The following B3GALT1 variants were observed in gnomAD, a reference collection of about 807,000 sequenced individuals.
B3GALT1 encodes the protein UDP-Gal:betaGlcNAc beta 1,3-galactosyltransferase, polypeptide 1.
Under a neutral mutation model 23.2 loss-of-function variants are expected in B3GALT1, and 10 were observed. The ratio of observed to expected loss-of-function variants is 0.43; its 90% CI spans 0.27 to 0.73. The LOEUF (loss-of-function observed/expected upper bound fraction) is 0.73. Among genes scored for constraint, B3GALT1 ranks in the 30% least tolerant of loss-of-function variants. The pLI is 0.21. For missense variants in B3GALT1, 299 were observed against 405.4 expected (o/e 0.74, Z 2.25); for synonymous variants, 156 against 141.5 (o/e 1.10, Z -0.73).
chr2:167,786,023 T>C (rs984913651), intron 3 of B3GALT1, among the ~76,000 whole-genome samples: 2 of 152,238 alleles, frequency 1.3e-5, no homozygotes, highest in African/African-American at 4.8e-5. Flanking sequence ...CCTGCTCATT[T>C]CCAGTTGTTC....
intron 3 of B3GALT1, among the ~76,000 whole-genome samples, chr2:167,776,963 T>A: frequency 6.6e-6 from 1 of 152,204 alleles, no homozygotes; most frequent in East Asian, 1.9e-4. Context: ...AGGCTAAGGT[T>A]TTTTTTGTTC....
Position 167,869,026 on chromosome 2 carries a change from G to T in B3GALT1, c.-14G>T, listed in dbSNP as rs565639529. The stretch of plus-strand genomic sequence containing the variant: ...GTATTCTTCAATATTTGGAATAGAC[G>T]TGTTCTCAAGACAATGGCTTCAAAG... On this transcript the variant is annotated 5_prime_UTR_variant, in exon 5 of 5. Coordinates refer to ENST00000392690, the MANE Select transcript of B3GALT1 (RefSeq NM_020981.4). The surrounding 1 kb of genome is among the most constrained non-coding windows in gnomAD (Gnocchi z 6.4). 2 of 1,581,308 alleles carry T rather than the reference G, an allele frequency of 1.3e-6. No homozygotes were observed. Among genetic ancestry groups the T allele is most frequent in the Non-Finnish European group, 1.7e-6 (2 of 1,164,066 alleles).
intron 1 of B3GALT1, among the ~76,000 whole-genome samples, chr2:167,312,883 T>A (rs868629007): frequency 6.6e-5 from 10 of 152,096 alleles, no homozygotes; most frequent in South Asian, 2.1e-4. Context: ...TACAATTTTT[T>A]AAATTATTCT....
At chr2:167,455,076 G>A (rs956724484) in intron 1 of B3GALT1, among the ~76,000 whole-genome samples, 2 of 152,152 alleles carry the variant, frequency 1.3e-5, no homozygotes, top group African/African-American at 4.8e-5. Flanking sequence ...TTCCATGTAC[G>A]TAAGTTCAAC....
intron 4 of B3GALT1, among the ~76,000 whole-genome samples, chr2:167,821,965 C>T (rs565784979): frequency 1.3e-5 from 2 of 152,208 alleles, no homozygotes; most frequent in East Asian, 3.9e-4. Flanking sequence ...AAAATTGTAT[C>T]CTTAATATAG....
At position 167,604,900 on chromosome 2, in the gene B3GALT1, A is replaced by G. The variant is rs552172377; in HGVS notation, c.-409-42009A>G. On this transcript the variant is annotated intron_variant, in intron 2 of 4. Transcript: ENST00000392690. Reference sequence around the variant, plus strand: ...CCTTTCAGGGCTACACCCTTTAAACAGGTTGTAACATCTGATTTGAGGGCA... The same window carrying G: ...CCTTTCAGGGCTACACCCTTTAAACGGGTTGTAACATCTGATTTGAGGGCA... Among the ~76,000 whole-genome samples, 25 of 152,334 alleles carry G rather than the reference A, an allele frequency of 1.6e-4. No homozygotes were observed. The Middle Eastern group carries it at 0.01, about 62-fold the overall frequency.
In B3GALT1 at chr2:167,804,968, G is replaced by C. The variant is rs868000186; in HGVS notation, c.-351-13704G>C. 8.1e-3 allele frequency among the ~76,000 whole-genome samples: 1,224 copies of C among 151,966 alleles called. 19 individuals are homozygous for C. Among genetic ancestry groups the C allele is most frequent in the African/African-American group, 0.027 (1,134 of 41,364 alleles). On this transcript the variant is annotated intron_variant, in intron 3 of 4. Transcript: ENST00000392690. ...ACAGTGTAAAAGTGTTCCTATTTCT[G>C]CACATCCTCTCCAGCACCTGTTGTT...
chr2:167,692,759 G>A (rs541567826), intron 3 of B3GALT1, among the ~76,000 whole-genome samples: 159 of 152,170 alleles, frequency 1.0e-3, no homozygotes, highest in African/African-American at 3.7e-3. Context: ...CAAATGCCAA[G>A]TGTCATCTAC....
At position 167,511,870 on chromosome 2, in the gene B3GALT1, C is replaced by T. The variant is rs1256755105; in HGVS notation, c.-410+21593C>T. On this transcript the variant is annotated intron_variant, in intron 2 of 4. Coordinates refer to ENST00000392690, the MANE Select transcript of B3GALT1 (RefSeq NM_020981.4). ...TTAATATATAAAGAACATTTTTGGG[C>T]TTGTTACTTTTACTCTCAAAATACA... Among the ~76,000 whole-genome samples the T allele has an allele frequency of 2.6e-5, 4 of 151,998 alleles. No individual in the cohort carries two copies. The South Asian group carries it at 6.2e-4, about 24-fold the overall frequency.
intron 3 of B3GALT1, among the ~76,000 whole-genome samples, chr2:167,662,851 G>C (rs964324877): frequency 3.9e-5 from 6 of 151,928 alleles, no homozygotes; most frequent in African/African-American, 9.7e-5. Context: ...TGCATCTGCT[G>C]TTTCTTTTGC....
At chr2:167,656,616 G>A (rs1007063162) in intron 3 of B3GALT1, among the ~76,000 whole-genome samples, 1 of 152,048 alleles carries the variant, frequency 6.6e-6, no homozygotes, top group Non-Finnish European at 1.5e-5. Context: ...AAAGAAAAAG[G>A]CATCAAAAAT....
At chr2:167,785,090 G>A (rs900519308) in intron 3 of B3GALT1, among the ~76,000 whole-genome samples, 9 of 152,142 alleles carry the variant, frequency 5.9e-5, no homozygotes, top group East Asian at 1.9e-4. Flanking sequence ...AGGTTAAAAC[G>A]ATATATAACT....
At chr2:167,711,607 G>A (rs191149791) in intron 3 of B3GALT1, among the ~76,000 whole-genome samples, 1 of 152,104 alleles carries the variant, frequency 6.6e-6, no homozygotes, top group African/African-American at 2.4e-5. Context: ...TTTCCAAGTG[G>A]TAAGAACTTT....
chr2:167,380,208 C>G (rs531557530), intron 1 of B3GALT1, among the ~76,000 whole-genome samples: 2 of 152,250 alleles, frequency 1.3e-5, no homozygotes, highest in East Asian at 3.9e-4. Flanking sequence ...TGGATCAGCT[C>G]AGGCTGCTGG....
chr2:167,589,425 C>T (rs1224896159), intron 2 of B3GALT1, among the ~76,000 whole-genome samples: 4 of 152,084 alleles, frequency 2.6e-5, no homozygotes, highest in Admixed American at 6.6e-5. Context: ...TAAATGTGAA[C>T]ATTATTTATA....
intron 2 of B3GALT1, among the ~76,000 whole-genome samples, chr2:167,570,046 A>G (rs560459114): frequency 3.7e-4 from 56 of 152,032 alleles, no homozygotes; most frequent in Admixed American, 3.2e-3. Context: ...TATTCTTTAC[A>G]TACATTGTTG....
intron 2 of B3GALT1, among the ~76,000 whole-genome samples, chr2:167,561,404 GC>G (rs1683985424): frequency 6.6e-6 from 1 of 152,016 alleles, no homozygotes; most frequent in Admixed American, 6.6e-5. Context: ...AGCTAGAAAA[GC>G]AAGAGCAAAC....
chr2:167,773,684 A>G (rs1473981346), intron 3 of B3GALT1, among the ~76,000 whole-genome samples: 6 of 152,232 alleles, frequency 3.9e-5, no homozygotes, highest in Non-Finnish European at 7.3e-5. Flanking sequence ...TGCTCACTGC[A>G]TGGAGACCGC....
intron 1 of B3GALT1, among the ~76,000 whole-genome samples, chr2:167,408,758 T>A (rs1574067388): frequency 9.3e-6 from 1 of 107,664 alleles, no homozygotes; most frequent in African/African-American, 3.9e-5. Context: ...AAATATGAAA[T>A]ACCTAGAAAC....
Sources: gnomAD v4.1 joint callset for allele counts (sites outside exome capture counted in the v4.1 genomes callset) on GRCh38, gnomAD v4.1.1 for gene constraint, Gnocchi (gnomAD v3.1) non-coding constraint, MANE v1.5 for transcripts, NCBI Gene and HGNC (gene_info 2026-07-23, HGNC 2026-07-21) for gene names.